RALYL: variants seen among roughly 807,000 people sequenced by gnomAD.
RALYL encodes the protein RALY RNA binding protein like.
RALYL carries 29 observed loss-of-function variants against 35.1 expected under a neutral mutation model. The observed-to-expected ratio is 0.83, with a 90% CI of 0.61 to 1.13. RALYL has a LOEUF of 1.13. RALYL is among the 50% of genes most tolerant of loss of function. RALYL has a pLI of 0.00. For synonymous variants in RALYL, 120 were observed against 127.6 expected (o/e 0.94, Z 0.40); for missense variants, 359 against 360.4 (o/e 1.00, Z 0.03).
chr8:84,663,248 G>A (rs1464732970), intron 2 of RALYL, among the ~76,000 whole-genome samples: 2 of 152,038 alleles, frequency 1.3e-5, no homozygotes, highest in African/African-American at 4.8e-5. Context: ...GGGCATTTTG[G>A]TTGATTCCAT....
chr8:84,245,031 G>A (rs562486631), intron 1 of RALYL, among the ~76,000 whole-genome samples: 3 of 152,274 alleles, frequency 2.0e-5, no homozygotes, highest in Admixed American at 1.3e-4. Context: ...AGTGACTCAG[G>A]TGGATACTGC....
chr8:84,325,642 T>C (rs16912696), intron 1 of RALYL, among the ~76,000 whole-genome samples: 7,214 of 152,292 alleles, frequency 0.047, 267 homozygotes, highest in African/African-American at 0.083. Flanking sequence ...TATTCTTTAT[T>C]TGTCCACTTC....
chr8:84,284,408 A>C (rs749632311), intron 1 of RALYL, among the ~76,000 whole-genome samples: 11 of 152,208 alleles, frequency 7.2e-5, no homozygotes, highest in African/African-American at 2.7e-4. Flanking sequence ...TAGGCTATAT[A>C]AAATTCATTT....
At chr8:84,446,564 C>A (rs2048881167) in intron 1 of RALYL, among the ~76,000 whole-genome samples, 1 of 152,062 alleles carries the variant, frequency 6.6e-6, no homozygotes, top group South Asian at 2.1e-4. Context: ...ATTTTATCAT[C>A]TGTTTAATAA....
chr8:84,861,065 GTTTTT>G (rs946174397), intron 5 of RALYL, among the ~76,000 whole-genome samples: 5 of 151,400 alleles, frequency 3.3e-5, no homozygotes, highest in African/African-American at 1.2e-4. Flanking sequence ...TATAGAACTT[GTTTTT>G]TTTATTTTCT....
At chr8:84,825,633 C>T (rs754158699) in intron 4 of RALYL, among the ~76,000 whole-genome samples, 9 of 152,084 alleles carry the variant, frequency 5.9e-5, no homozygotes, top group Admixed American at 2.0e-4. Context: ...TTTGGAAGGC[C>T]GAGGCAGGCA....
chr8:84,323,838 A>T (rs996102681), intron 1 of RALYL, among the ~76,000 whole-genome samples: 16 of 152,218 alleles, frequency 1.1e-4, no homozygotes, highest in African/African-American at 3.8e-4. Context: ...CCATCTTACA[A>T]TGGATGAGTG....
chr8:84,266,959 C>CAAAAAA (rs747403533), intron 1 of RALYL, among the ~76,000 whole-genome samples: 9 of 60,370 alleles, frequency 1.5e-4, no homozygotes, highest in Non-Finnish European at 3.0e-4. Context: ...GACTCCGTCT[C>CAAAAAA]AAAAAAAAAA....
chr8:84,545,690 A>G (rs1318490808), intron 2 of RALYL, among the ~76,000 whole-genome samples: 1 of 152,036 alleles, frequency 6.6e-6, no homozygotes, highest in Non-Finnish European at 1.5e-5. Flanking sequence ...TAAATAGAGT[A>G]TTTTCTCACA....
intron 2 of RALYL, among the ~76,000 whole-genome samples, chr8:84,716,041 G>A (rs971220112): frequency 5.9e-5 from 9 of 152,056 alleles, no homozygotes; most frequent in South Asian, 2.1e-4. Flanking sequence ...ATTGGAAAAT[G>A]TTATATTTCA....
At position 84,389,198 on chromosome 8, in the gene RALYL, C is replaced by T. The variant is rs1307070184; in HGVS notation, c.-23-140101C>T. On this transcript the variant is annotated intron_variant, in intron 1 of 8. Coordinates refer to ENST00000521268, the MANE Select transcript of RALYL (RefSeq NM_173848.7). Reference sequence around the variant, plus strand: ...GAGGGCTCTGTTCTGTTCCATTGATCTATATCTCTGTTTTGGTATCAGTAC... The same window carrying T: ...GAGGGCTCTGTTCTGTTCCATTGATTTATATCTCTGTTTTGGTATCAGTAC... Among the ~76,000 whole-genome samples the T allele has an allele frequency of 2.0e-5, 3 of 152,038 alleles. No individual in the cohort carries two copies. In the East Asian group the frequency reaches 5.8e-4, roughly 29 times the overall value.
intron 8 of RALYL, among the ~76,000 whole-genome samples, chr8:84,896,673 G>A (rs1844798587): frequency 6.6e-6 from 1 of 152,116 alleles, no homozygotes; most frequent in Admixed American, 6.6e-5. Flanking sequence ...CAAGGCCTTG[G>A]CATTTGCTGC....
At chr8:84,919,234 A>G (rs1357907638) in intron 8 of RALYL, among the ~76,000 whole-genome samples, 1 of 151,932 alleles carries the variant, frequency 6.6e-6, no homozygotes, top group Non-Finnish European at 1.5e-5. Flanking sequence ...TGCAATTGCA[A>G]TCATATAAAT....
At chr8:84,539,862 A>ATATATATATATATG (rs1554713650) in intron 2 of RALYL, among the ~76,000 whole-genome samples, 182 of 58,610 alleles carry the variant, frequency 3.1e-3, no homozygotes, top group Middle Eastern at 0.012. Flanking sequence ...ATGTATATAT[A>ATATATATATATATG]TATATATATA....
chr8:84,382,605 T>C (rs183624563), intron 1 of RALYL, among the ~76,000 whole-genome samples: 9 of 151,884 alleles, frequency 5.9e-5, no homozygotes, highest in Non-Finnish European at 1.0e-4. Flanking sequence ...TCATTTCTAT[T>C]TAAAAATTAA....
At chr8:84,905,438 A>C (rs932901021) in intron 8 of RALYL, among the ~76,000 whole-genome samples, 6 of 152,148 alleles carry the variant, frequency 3.9e-5, no homozygotes, top group Non-Finnish European at 8.8e-5. Flanking sequence ...ATAAACACAC[A>C]GTAGTGGGAT....
intron 1 of RALYL, among the ~76,000 whole-genome samples, chr8:84,426,709 T>C (rs150147059): frequency 6.6e-6 from 1 of 152,244 alleles, no homozygotes; most frequent in African/African-American, 2.4e-5. Context: ...AACAGATTAA[T>C]GAGCACCATT....
At chr8:84,559,252 G>T (rs2061333481) in intron 2 of RALYL, among the ~76,000 whole-genome samples, 1 of 151,796 alleles carries the variant, frequency 6.6e-6, no homozygotes, top group African/African-American at 2.4e-5. Flanking sequence ...TTTAATGTAA[G>T]AATTATTTTG....
rs576313828 is a variant in RALYL, at chr8:84,754,072, T to C, written c.257-20507T>C. On this transcript the variant is annotated intron_variant, in intron 2 of 8. Transcript: ENST00000521268. Reference sequence around the variant, plus strand: ...TCAGATGAGTAGGTTGCGAAAATTTTCTCCCATTTTGTAGGTTGCCTGTTC... The same window carrying C: ...TCAGATGAGTAGGTTGCGAAAATTTCCTCCCATTTTGTAGGTTGCCTGTTC... Among the ~76,000 whole-genome samples the C allele has an allele frequency of 8.5e-5, 13 of 152,184 alleles. No homozygotes were observed. The South Asian group carries it at 2.5e-3, about 29-fold the overall frequency.
Sources: allele counts gnomAD v4.1 joint callset (sites outside exome capture counted in the v4.1 genomes callset), GRCh38; gene constraint gnomAD v4.1.1; transcripts MANE v1.5; gene names NCBI Gene and HGNC (gene_info 2026-07-23, HGNC 2026-07-21).